Variants in TMEM117 observed in about 807,000 individuals in gnomAD.
TMEM117 encodes the protein transmembrane protein 117.
A neutral mutation model predicts 52.4 loss-of-function variants in TMEM117; 27 were observed. The observed-to-expected ratio is 0.51, with a 90% CI of 0.38 to 0.71. The LOEUF is 0.71. Among genes scored for constraint, TMEM117 ranks in the 30% least tolerant of loss-of-function variants. The pLI is 0.00. For synonymous variants in TMEM117, 215 were observed against 206.3 expected, an observed-to-expected ratio of 1.04 and a Z score of -0.36; for missense variants, 556 against 630.5, an observed-to-expected ratio of 0.88 and a Z score of 1.26.
At chr12:43,808,263 G>T in the TMEM117 span, among the ~76,000 whole-genome samples, 1 of 152,136 alleles carries the variant, frequency 6.6e-6, no homozygotes, top group African/African-American at 2.4e-5. Flanking sequence ...GCTGAATATG[G>T]CTACCCTACA....
intron 3 of TMEM117, among the ~76,000 whole-genome samples, chr12:44,126,416 C>T (rs951090669): frequency 5.9e-5 from 9 of 152,308 alleles, no homozygotes; most frequent in South Asian, 2.1e-4. Context: ...GGTGGAATTT[C>T]TCTCCCTCCT....
intron 4 of TMEM117, among the ~76,000 whole-genome samples, chr12:44,179,945 T>C (rs1949168368): frequency 6.6e-6 from 1 of 152,176 alleles, no homozygotes; most frequent in African/African-American, 2.4e-5. Flanking sequence ...TGAGGCTCTT[T>C]TTATTTGGTA....
chr12:44,012,475 A>T (rs1592439607), intron 3 of TMEM117, among the ~76,000 whole-genome samples: 1 of 141,534 alleles, frequency 7.1e-6, no homozygotes. Flanking sequence ...CACGGTTCTT[A>T]TATATTCCTT....
rs145821678 is a variant in TMEM117 at position 44,143,557 on chromosome 12, G to A, written c.443G>A (p.Arg148Gln). 1.9e-4 allele frequency: 301 copies of A among 1,613,906 alleles called. 1 individual carries two copies. Among genetic ancestry groups the A allele is most frequent in the Admixed American group, 3.0e-4 (18 of 60,002 alleles). The change falls in exon 4 of 8, where the codon CGA becomes CAA. Residue 148 changes from arginine to glutamine, a missense_variant. Physicochemically the swap from Arg to Gln is conservative, Grantham distance 43 (BLOSUM62 1). Transcript: ENST00000266534. ...AYIITDYMGI[R>Q]NESFMKLAAV... ...ATCATTACAGACTATATGGGCATCC[G>A]AAATGAAAGTTTCATGAAATTAGCT...
chr12:44,120,386 A>G (rs1448982629), intron 3 of TMEM117, among the ~76,000 whole-genome samples: 1 of 152,170 alleles, frequency 6.6e-6, no homozygotes, highest in South Asian at 2.1e-4. Flanking sequence ...TAGCTTGACT[A>G]TAATAATAGT....
intron 2 of TMEM117, among the ~76,000 whole-genome samples, chr12:43,905,339 A>G (rs535718494): frequency 6.6e-6 from 1 of 152,202 alleles, no homozygotes; most frequent in South Asian, 2.1e-4. Context: ...TATTCCCAGT[A>G]TGCACTCATC....
chr12:43,868,169 CCT>C (rs931382522), intron 2 of TMEM117, among the ~76,000 whole-genome samples: 8 of 151,476 alleles, frequency 5.3e-5, no homozygotes, highest in Admixed American at 3.3e-4. Flanking sequence ...TGTCTCTCCC[CCT>C]CTCTCTGTCT....
rs556858334 is a variant in TMEM117 at position 44,283,513 on chromosome 12, A to G, written c.609-16067A>G. ...ATTTGACTGCCCCACTGGATTTCAG[A>G]CTTACATGGGCTCTGCAACCCCTCT... is the stretch of plus-strand genomic sequence containing the variant. On this transcript the variant is annotated intron_variant, in intron 5 of 7. Coordinates refer to ENST00000266534, the MANE Select transcript of TMEM117 (RefSeq NM_032256.3). Among the ~76,000 whole-genome samples, 301 of 152,262 alleles carry G rather than the reference A, an allele frequency of 2.0e-3. 3 individuals are homozygous for G. Among genetic ancestry groups the G allele is most frequent in the African/African-American group, 6.6e-3 (273 of 41,546 alleles).
At chr12:43,946,389 T>A (rs1312093480) in intron 3 of TMEM117, among the ~76,000 whole-genome samples, 3 of 22,648 alleles carry the variant, frequency 1.3e-4, no homozygotes, top group African/African-American at 2.0e-4. Flanking sequence ...TTTTTTTTTT[T>A]TTTTTGTTTG....
chr12:44,114,408 A>G (rs958695242), intron 3 of TMEM117, among the ~76,000 whole-genome samples: 2 of 152,140 alleles, frequency 1.3e-5, no homozygotes, highest in African/African-American at 4.8e-5. Flanking sequence ...TCACCTCTGC[A>G]TTTAGGACTG....
intron 3 of TMEM117, among the ~76,000 whole-genome samples, chr12:43,958,998 G>A (rs905606734): frequency 7.2e-5 from 11 of 151,970 alleles, no homozygotes; most frequent in Non-Finnish European, 1.5e-4. Flanking sequence ...TAATAGAGAC[G>A]GGGTTTCACC....
chr12:44,207,456 A>G (rs1015227901), intron 4 of TMEM117, among the ~76,000 whole-genome samples: 4 of 152,200 alleles, frequency 2.6e-5, no homozygotes, highest in African/African-American at 9.7e-5. Context: ...ATATTTTATG[A>G]AGCCCTCTTA....
chr12:43,968,946 G>T (rs1023703797), intron 3 of TMEM117, among the ~76,000 whole-genome samples: 1 of 152,122 alleles, frequency 6.6e-6, no homozygotes, highest in African/African-American at 2.4e-5. Context: ...GGATTTATGT[G>T]CATGTCCTTT....
At chr12:43,913,207 T>G (rs749278852) in intron 2 of TMEM117, among the ~76,000 whole-genome samples, 1 of 152,148 alleles carries the variant, frequency 6.6e-6, no homozygotes, top group Non-Finnish European at 1.5e-5. Flanking sequence ...CTATGGGTCC[T>G]TGGACTCCAG....
intron 3 of TMEM117, chr12:44,010,341 C>A (rs1946269913): frequency 4.6e-6 from 2 of 431,790 alleles, no homozygotes; most frequent in South Asian, 1.7e-5. Flanking sequence ...TGTCTCCCTG[C>A]TGCTCTGGGT....
chr12:44,241,853 T>G (rs1950066410), intron 5 of TMEM117, among the ~76,000 whole-genome samples: 1 of 152,052 alleles, frequency 6.6e-6, no homozygotes, highest in African/African-American at 2.4e-5. Context: ...AAAATCTTTC[T>G]ATGCATACTA....
At chr12:43,798,543 T>C in the TMEM117 span, 3 of 1,513,360 alleles carry the variant, frequency 2.0e-6, no homozygotes, top group South Asian at 1.3e-5. Flanking sequence ...GAAAACATCA[T>C]AGAACATATG....
chr12:43,888,677 A>T (rs1038345929), intron 2 of TMEM117, among the ~76,000 whole-genome samples: 1 of 150,438 alleles, frequency 6.6e-6, no homozygotes, highest in Non-Finnish European at 1.5e-5. Context: ...CCTCCCGAGT[A>T]GCTGGGACTA....
chr12:43,799,560 G>T, the TMEM117 span: 1 of 978,822 alleles, frequency 1.0e-6, no homozygotes, highest in South Asian at 2.0e-5. Flanking sequence ...TGACAGTGAA[G>T]TTACTTTAGG....
Sources: gnomAD v4.1 joint callset for allele counts (sites outside exome capture counted in the v4.1 genomes callset) on GRCh38, gnomAD v4.1.1 for gene constraint, MANE v1.5 for transcripts, NCBI Gene and HGNC (gene_info 2026-07-23, HGNC 2026-07-21) for gene names.